SYTL3: variants seen among roughly 807,000 people sequenced by gnomAD.
SYTL3 encodes the protein synaptotagmin like 3, also known as synaptotagmin-like protein 3.
A neutral mutation model predicts 82.1 loss-of-function variants in SYTL3; 88 were observed. The ratio of observed to expected loss-of-function variants is 1.07; its 90% confidence interval spans 0.90 to 1.28. The LOEUF is 1.28. Ranked by LOEUF, SYTL3 falls within the 50% of genes most tolerant of loss-of-function variation. The pLI, the probability that SYTL3 is intolerant of heterozygous loss-of-function variation, is 0.00. For missense variants in SYTL3, 831 were observed against 757.6 expected (o/e 1.10, Z -1.14); for synonymous variants, 311 against 289.4 (o/e 1.07, Z -0.76).
At chr6:158,667,710 G>A (rs1790249597) in intron 5 of SYTL3, among the ~76,000 whole-genome samples, 1 of 152,176 alleles carries the variant, frequency 6.6e-6, no homozygotes, top group South Asian at 2.1e-4. Context: ...GAGGAAAATT[G>A]GTTTTTAAAA....
intron 6 of SYTL3, among the ~76,000 whole-genome samples, chr6:158,691,592 G>A (rs1779871723): frequency 6.6e-6 from 1 of 151,886 alleles, no homozygotes; most frequent in African/African-American, 2.4e-5. Flanking sequence ...TAACAACCAT[G>A]ACATTCTGTT....
chr6:158,757,919 G>A (rs777830613), intron 14 of SYTL3, among the ~76,000 whole-genome samples: 6 of 152,176 alleles, frequency 3.9e-5, no homozygotes, highest in Admixed American at 2.0e-4. Flanking sequence ...ATTGCACGGC[G>A]GGAGATAGAT....
chr6:158,670,026 A>G (rs1777185904), intron 5 of SYTL3, among the ~76,000 whole-genome samples: 1 of 152,230 alleles, frequency 6.6e-6, no homozygotes, highest in South Asian at 2.1e-4. Context: ...TTGTTACAGG[A>G]TGATGCATTG....
intron 6 of SYTL3, among the ~76,000 whole-genome samples, chr6:158,684,424 G>C (rs1190751731): frequency 6.6e-6 from 1 of 152,220 alleles, no homozygotes; most frequent in Non-Finnish European, 1.5e-5. Context: ...ACTGTGGAGA[G>C]AATGATTTGT....
chr6:158,654,609 C>A (rs1436633189), intron 2 of SYTL3, among the ~76,000 whole-genome samples: 1 of 152,146 alleles, frequency 6.6e-6, no homozygotes, highest in Non-Finnish European at 1.5e-5. Context: ...TTGCTTTGTT[C>A]TGGCTGTTGC....
chr6:158,649,480 T>G (rs1787745363), upstream of SYTL3, among the ~76,000 whole-genome samples: 1 of 152,212 alleles, frequency 6.6e-6, no homozygotes, highest in East Asian at 1.9e-4. Flanking sequence ...TGCACACACT[T>G]CATTGTCTTA....
At chr6:158,760,491 C>A in intron 14 of SYTL3, 149 bp from the exon 15 acceptor site, 1 of 631,044 alleles carries the variant, frequency 1.6e-6, no homozygotes, top group Non-Finnish European at 2.8e-6. Flanking sequence ...GAAGGAAGAC[C>A]AGTCCTGCCA....
Position 158,651,778 on chromosome 6 carries a change from G to A in SYTL3, c.-701G>A, listed in dbSNP as rs1469822847. On this transcript the variant is annotated 5_prime_UTR_variant, in exon 2 of 18. Transcript: ENST00000611299. ...GCTCCCCGAATGAGAAAGAATACTC[G>A]GAATCAGCGGTGAATTGCAGTGATC... 4 of 151,720 alleles carry A rather than the reference G, an allele frequency of 2.6e-5. No homozygotes were observed. The highest frequency in any genetic ancestry group is 5.9e-5 in the Non-Finnish European group (4 of 67,938). The allele number at this position is 151,720 out of a possible 1,614,324, so 9.4% of individuals were successfully genotyped here.
intron 16 of SYTL3, 54 bp downstream of exon 16, chr6:158,762,232 A>G (rs1471671287): frequency 3.8e-6 from 5 of 1,305,474 alleles, no homozygotes; most frequent in Non-Finnish European, 5.5e-6. Flanking sequence ...ACATCACAAC[A>G]TGGCCCAGAA....
chr6:158,645,921 C>T (rs1237779813), upstream of SYTL3, among the ~76,000 whole-genome samples: 2 of 152,128 alleles, frequency 1.3e-5, no homozygotes, highest in Non-Finnish European at 2.9e-5. Context: ...CTAAGGTAGC[C>T]GACCTCCTCA....
At chr6:158,712,878 C>T (rs1479759523) in intron 8 of SYTL3, among the ~76,000 whole-genome samples, 1 of 151,798 alleles carries the variant, frequency 6.6e-6, no homozygotes, top group Admixed American at 6.6e-5. Context: ...CCTGCCTCAG[C>T]CTCCCAAGTA....
At chr6:158,645,762 C>T (rs1336522572), upstream of SYTL3, among the ~76,000 whole-genome samples, 1 of 152,144 alleles carries the variant, frequency 6.6e-6, no homozygotes, top group African/African-American at 2.4e-5. Flanking sequence ...AACGACTCCT[C>T]CCTCCCCTCA....
chr6:158,683,197 C>CTGAGGT (rs1778914979), intron 6 of SYTL3, among the ~76,000 whole-genome samples: 1 of 148,826 alleles, frequency 6.7e-6, no homozygotes, highest in Non-Finnish European at 1.5e-5. Context: ...ATTTCTACCT[C>CTGAGGT]TGAGGTTGGC....
At chr6:158,760,011 C>T (rs561211977) in intron 14 of SYTL3, among the ~76,000 whole-genome samples, 196 of 152,274 alleles carry the variant, frequency 1.3e-3, no homozygotes, top group Non-Finnish European at 2.3e-3. Context: ...GCTCTAGACT[C>T]TTCCCAATAC....
intron 6 of SYTL3, among the ~76,000 whole-genome samples, chr6:158,699,505 T>G (rs1205518128): frequency 6.6e-6 from 1 of 152,156 alleles, no homozygotes; most frequent in African/African-American, 2.4e-5. Context: ...CATGCCAGCT[T>G]CAGGGGCAGG....
At chr6:158,680,554 C>T (rs1345800738) in intron 5 of SYTL3, among the ~76,000 whole-genome samples, 1 of 108,348 alleles carries the variant, frequency 9.2e-6, no homozygotes, top group Admixed American at 1.2e-4. Flanking sequence ...GACTGGGCAA[C>T]ATAGCAAAAC....
At chr6:158,693,384 A>ATTTGT (rs1257179195) in intron 6 of SYTL3, among the ~76,000 whole-genome samples, 2 of 151,738 alleles carry the variant, frequency 1.3e-5, no homozygotes, top group African/African-American at 4.8e-5. Context: ...CACCTGGCTA[A>ATTTGT]TTTGTTTTGT....
At chr6:158,657,425 C>CA (rs535361947) in intron 2 of SYTL3, among the ~76,000 whole-genome samples, 945 of 79,834 alleles carry the variant, frequency 0.012, 37 homozygotes, top group African/African-American at 0.028. Flanking sequence ...GACTCTGGCT[C>CA]AAAAAAAAAA....
At chr6:158,667,774 G>A (rs565508465) in intron 5 of SYTL3, among the ~76,000 whole-genome samples, 14 of 152,152 alleles carry the variant, frequency 9.2e-5, no homozygotes, top group South Asian at 2.1e-4. Flanking sequence ...CAACCAACTC[G>A]CAGGTTGCTG....
Sources: allele counts gnomAD v4.1 joint callset (sites outside exome capture counted in the v4.1 genomes callset), GRCh38; gene constraint gnomAD v4.1.1; transcripts MANE v1.5; gene names NCBI Gene and HGNC (gene_info 2026-07-23, HGNC 2026-07-21).